Variants in LGALS8 observed in about 807,000 individuals in gnomAD.
The protein encoded by LGALS8 is galectin-8.
In LGALS8, 30 loss-of-function variants were observed where a neutral mutation model predicts 35.9. That is an observed-to-expected ratio of 0.83 (90% CI 0.62 to 1.13). The LOEUF (loss-of-function observed/expected upper bound fraction) is 1.13, where lower values mean the gene tolerates loss of function less well. LGALS8 is among the 50% of genes most tolerant of loss of function. LGALS8 has a pLI of 0.00. For synonymous variants in LGALS8, 138 were observed against 136.1 expected (o/e 1.01, Z -0.10); for missense variants, 366 against 388.7 (o/e 0.94, Z 0.49).
intron 2 of LGALS8, among the ~76,000 whole-genome samples, chr1:236,527,333 G>A (rs1436292791): frequency 1.3e-5 from 2 of 152,162 alleles, no homozygotes; most frequent in Non-Finnish European, 2.9e-5. Flanking sequence ...CAACTATTGA[G>A]GTGGAACAAA....
intron 2 of LGALS8, among the ~76,000 whole-genome samples, chr1:236,535,416 ATATT>A (rs574631556): frequency 9.3e-4 from 142 of 152,052 alleles, no homozygotes; most frequent in African/African-American, 2.2e-3. Context: ...TTTAATGTTT[ATATT>A]TATTTAGTTG....
Position 236,548,978 on chromosome 1 carries a change from G to T in LGALS8, c.*817G>T. The T allele has an allele frequency of 2.5e-6, 1 of 398,644 alleles. No individual in the cohort carries two copies. The highest frequency in any genetic ancestry group is 4.4e-6 in the Non-Finnish European group (1 of 226,064). The allele number at this position is 398,644 out of a possible 1,614,324, so 24.7% of individuals were successfully genotyped here. A position where few individuals can be genotyped will look rare whatever the true frequency, so the allele number is the denominator to read the frequency against. On this transcript the variant is annotated 3_prime_UTR_variant, in exon 10 of 10. Transcript: ENST00000366584. ...ATCAGAGTCTACACAGACGCCTACAGAAAGTTTCAGGAAGAGGCAAGATGC... is the reference window on the plus strand; with the variant it reads ...ATCAGAGTCTACACAGACGCCTACATAAAGTTTCAGGAAGAGGCAAGATGC...
intron 9 of LGALS8, among the ~76,000 whole-genome samples, chr1:236,545,923 C>T (rs2799405): frequency 0.61 from 92,887 of 151,916 alleles, 29,286 homozygotes; most frequent in Non-Finnish European, 0.69. Context: ...AGAGTCAAGG[C>T]GCAAAGGGTG....
At chr1:236,545,393 C>A (rs1038664263) in intron 9 of LGALS8, among the ~76,000 whole-genome samples, 1 of 152,306 alleles carries the variant, frequency 6.6e-6, no homozygotes, top group African/African-American at 2.4e-5. Context: ...AAAAGGCATG[C>A]AGTCCTGAGT....
intron 6 of LGALS8, chr1:236,542,490 T>C (rs1191387323): frequency 4.0e-6 from 2 of 502,432 alleles, no homozygotes; most frequent in Non-Finnish European, 7.1e-6. Flanking sequence ...TTAAAAAAAT[T>C]TCATATAGTT....
chr1:236,521,533 A>C (rs548487074), upstream of LGALS8, among the ~76,000 whole-genome samples: 1 of 152,176 alleles, frequency 6.6e-6, no homozygotes, highest in African/African-American at 2.4e-5. Context: ...ATGAGCAAAA[A>C]TTAGTAGACG....
chr1:236,537,927 C>CCCA (rs1426532347), intron 3 of LGALS8, among the ~76,000 whole-genome samples: 10 of 96,462 alleles, frequency 1.0e-4, no homozygotes, highest in Admixed American at 3.0e-4. Flanking sequence ...GTGAGACCCC[C>CCCA]CATCTGTAAA....
chr1:236,541,008 A>T (rs1317132082), intron 5 of LGALS8, among the ~76,000 whole-genome samples: 1 of 152,234 alleles, frequency 6.6e-6, no homozygotes, highest in Non-Finnish European at 1.5e-5. Context: ...TGAGTCAAAG[A>T]GCACAGTCAT....
chr1:236,543,361 T>C (rs1662142305), intron 7 of LGALS8, 199 bp from the exon 8 acceptor site: 2 of 693,740 alleles, frequency 2.9e-6, no homozygotes, highest in Admixed American at 2.0e-5. Context: ...TCGTCTAAAA[T>C]GTAATCATGT....
At position 236,548,666 on chromosome 1, in the gene LGALS8, A is replaced by C. The variant is rs1225801895; in HGVS notation, c.*505A>C. 5.7e-6 allele frequency: 2 copies of C among 352,708 alleles called. No homozygotes were observed. The highest frequency in any genetic ancestry group is 4.7e-5 in the Admixed American group (1 of 21,362). The allele number at this position is 352,708 out of a possible 1,614,324, so 21.8% of individuals were successfully genotyped here. A position where few individuals can be genotyped will look rare whatever the true frequency, so the allele number is the denominator to read the frequency against. ...GGATTAGTTATGCAGATATTAAATC[A>C]CCCGAAGACACTAACTTACAGAAGA... On this transcript the variant is annotated 3_prime_UTR_variant, in exon 10 of 10. Transcript: ENST00000366584.
At position 236,527,270 on chromosome 1, in the gene LGALS8, T is replaced by C. The variant is rs554299527; in HGVS notation, c.45+1155T>C. On this transcript the variant is annotated intron_variant, in intron 2 of 9. Coordinates refer to ENST00000366584, the MANE Select transcript of LGALS8 (RefSeq NM_201544.4). ...TAATTTTATAGGTAAAATTCGTGCA[T>C]ATCTTGATTCTAGCATACTGCTGAT... 7.2e-5 allele frequency among the ~76,000 whole-genome samples: 11 copies of C among 152,290 alleles called. No individual in the cohort carries two copies. The South Asian group carries it at 1.2e-3, about 17-fold the overall frequency.
intron 2 of LGALS8, chr1:236,536,108 A>C (rs996406364): frequency 1.4e-4 from 22 of 152,240 alleles, no homozygotes; most frequent in African/African-American, 2.4e-4. Flanking sequence ...AGCTTGAAGA[A>C]GGCTCCACAG....
At chr1:236,542,879 C>G (rs761979887) in intron 7 of LGALS8, 92 bp downstream of exon 7, 4 of 1,614,110 alleles carry the variant, frequency 2.5e-6, no homozygotes, top group Non-Finnish European at 3.4e-6. Flanking sequence ...CAGCTTCATT[C>G]ATTCCATTCC....
intron 2 of LGALS8, among the ~76,000 whole-genome samples, chr1:236,528,557 T>C (rs897347322): frequency 6.9e-6 from 1 of 145,072 alleles, no homozygotes; most frequent in African/African-American, 2.5e-5. Flanking sequence ...TTTTTTTTTT[T>C]TTTTTTTTTT....
At position 236,548,244 on chromosome 1, in the gene LGALS8, T is replaced by G. The variant is rs781330364; in HGVS notation, c.*83T>G. The stretch of plus-strand genomic sequence containing the variant: ...CTTGCTGAAACGCATCTCACTGTCA[T>G]TCTATTGTTTATATTGTTAAAATGA... On this transcript the variant is annotated 3_prime_UTR_variant, in exon 10 of 10. Transcript: ENST00000366584. 2.5e-5 allele frequency: 31 copies of G among 1,222,230 alleles called. No individual in the cohort carries two copies. Among genetic ancestry groups the G allele is most frequent in the Non-Finnish European group, 3.3e-5 (28 of 859,372 alleles). 75.7% of individuals were successfully genotyped at this position (1,222,230 alleles called of 1,614,324 possible).
At chr1:236,539,130 G>GC (rs1156614744) in intron 4 of LGALS8, 41 bp downstream of exon 4, 3 of 1,508,938 alleles carry the variant, frequency 2.0e-6, no homozygotes, top group Admixed American at 1.7e-5. Flanking sequence ...TCATTAGTGA[G>GC]CAGGAGTGCA....
intron 1 of LGALS8, 54 bp from the exon 2 acceptor site, chr1:236,525,914 G>A (rs1660791199): frequency 2.0e-6 from 1 of 504,890 alleles, no homozygotes; most frequent in Admixed American, 3.3e-5. Context: ...AATAGGATAT[G>A]AAGAAAAATG....
At chr1:236,523,610 G>T, upstream of LGALS8, 1 of 165,442 alleles carries the variant, frequency 6.0e-6, no homozygotes, top group South Asian at 1.3e-4. Flanking sequence ...AGACCTGGAG[G>T]CCTGGAACAG....
rs760307001 is a variant in LGALS8, at chr1:236,540,534, G to A, written c.346-30G>A. 4.6e-4 allele frequency: 636 copies of A among 1,378,110 alleles called. 3 individuals carry two copies. The highest frequency in any genetic ancestry group is 5.8e-4 in the Non-Finnish European group (611 of 1,061,248). The allele number at this position is 1,378,110 out of a possible 1,614,324, so 85.4% of individuals were successfully genotyped here. A position where few individuals can be genotyped will look rare whatever the true frequency, so the allele number is the denominator to read the frequency against. On this transcript the variant is annotated intron_variant, in intron 4 of 9. Coordinates refer to ENST00000366584, the MANE Select transcript of LGALS8 (RefSeq NM_201544.4). The stretch of plus-strand genomic sequence containing the variant: ...TATTAACTGTTTTTTTTTGGTGGCG[G>A]GGGGGGCTCTGTCTTCTGTATCTCT...
Sources: gnomAD v4.1 joint callset for allele counts (sites outside exome capture counted in the v4.1 genomes callset) on GRCh38, gnomAD v4.1.1 for gene constraint, MANE v1.5 for transcripts, NCBI Gene and HGNC (gene_info 2026-07-23, HGNC 2026-07-21) for gene names.